The following SLC49A3 variants were observed in gnomAD, a reference collection of about 807,000 sequenced individuals.
The protein encoded by SLC49A3 is solute carrier family 49 member A3.
In SLC49A3, 50 loss-of-function variants were observed where a neutral mutation model predicts 43.8. The observed-to-expected ratio is 1.14, with a 90% confidence interval of 0.91 to 1.45. SLC49A3 has a LOEUF of 1.45. Among genes scored for constraint, SLC49A3 ranks in the 40% most tolerant of loss-of-function variants. The pLI, the probability that SLC49A3 is intolerant of heterozygous loss-of-function variation, is 0.00. For synonymous variants in SLC49A3, 413 were observed against 352.0 expected (o/e 1.17, Z -1.94); for missense variants, 906 against 774.1 (o/e 1.17, Z -2.02).
At position 688,898 on chromosome 4, in the gene SLC49A3, C is replaced by G; in HGVS notation, c.135+95G>C. 2.0e-6 allele frequency: 3 copies of G among 1,464,608 alleles called. No individual in the cohort carries two copies. The South Asian group carries it at 4.0e-5, about 19-fold the overall frequency. The allele number at this position is 1,464,608 out of a possible 1,614,324, so 90.7% of individuals were successfully genotyped here. ...AGGCACCCCCCGCCCCCAGCCAGCA[C>G]CTGGCACCTCGGGCTGTGGCCACAG... On this transcript the variant is annotated intron_variant, in intron 1 of 9. Coordinates refer to ENST00000322224, the MANE Select transcript of SLC49A3 (RefSeq NM_032219.4).
At chr4:681,043 C>T (rs765477700), downstream of SLC49A3, 5 of 1,560,974 alleles carry the variant, frequency 3.2e-6, no homozygotes, top group Non-Finnish European at 4.3e-6. Context: ...ACCGAGAAGG[C>T]TCCTGCACCC....
downstream of SLC49A3, among the ~76,000 whole-genome samples, chr4:677,198 T>C (rs1171913790): frequency 1.3e-5 from 2 of 152,176 alleles, no homozygotes; most frequent in Non-Finnish European, 2.9e-5. Context: ...ACTCAGCCTG[T>C]AGGCCTCCTC....
downstream of SLC49A3, among the ~76,000 whole-genome samples, chr4:679,583 A>G (rs1291364752): frequency 6.6e-6 from 1 of 151,902 alleles, no homozygotes; most frequent in Non-Finnish European, 1.5e-5. Context: ...CTGGGGAGTG[A>G]TTTCTCCTTG....
rs1577351427 is a variant in SLC49A3 at position 683,221 on chromosome 4, G to A, written c.1140C>T (p.Ile380=). 2.5e-6 allele frequency: 4 copies of A among 1,612,802 alleles called. No homozygotes were observed. Among genetic ancestry groups the A allele is most frequent in the Admixed American group, 1.7e-5 (1 of 60,014 alleles). ...PVGEGAATGM[I]FVLGQAEGIL... The stretch of plus-strand genomic sequence containing the variant: ...AGATGGACACTCACCCCAGCACAAA[G>A]ATCATGCCTGTGGCAGCCCCCTCCC... The change falls in exon 8 of 10, where the codon ATC becomes ATT. Residue 380 remains isoleucine, a synonymous_variant. Transcript: ENST00000322224.
Position 685,094 on chromosome 4 carries a change from G to A in SLC49A3, c.586-238C>T. On this transcript the variant is annotated intron_variant, in intron 4 of 9. Coordinates refer to ENST00000322224, the MANE Select transcript of SLC49A3 (RefSeq NM_032219.4). This position sits in a 1 kb window ranked among gnomAD's most constrained non-coding sequence, Gnocchi z 4.3. ...CACCAGTGACACCCTCCTGGCTGATGTTAGCCCAGCACCCCCAGGCTCCAG... is the reference window on the plus strand; with the variant it reads ...CACCAGTGACACCCTCCTGGCTGATATTAGCCCAGCACCCCCAGGCTCCAG... 1 of 563,092 alleles carries A rather than the reference G, an allele frequency of 1.8e-6. No homozygotes were observed. Among genetic ancestry groups the A allele is most frequent in the Non-Finnish European group, 3.1e-6 (1 of 323,934 alleles). 34.9% of individuals were successfully genotyped at this position (563,092 alleles called of 1,614,324 possible).
chr4:681,001 A>C, downstream of SLC49A3: 1 of 1,427,656 alleles, frequency 7.0e-7, no homozygotes. Flanking sequence ...GTGAGCGAGT[A>C]CAACCTGGGG....
rs1364514899 is a variant in SLC49A3, at chr4:681,829, TG to T, written c.*128del. 1.6e-5 allele frequency: 20 copies of T among 1,278,702 alleles called. No homozygotes were observed. In the African/African-American group the frequency reaches 3.1e-4, roughly 20 times the overall value. The allele number at this position is 1,278,702 out of a possible 1,614,324, so 79.2% of individuals were successfully genotyped here. ...GCGCAGAAACCACACCCGGGGCCGC[TG>T]CAGGTGCGCGCTTGTAATTCGCTCC... is the stretch of plus-strand genomic sequence containing the variant. On this transcript the variant is annotated 3_prime_UTR_variant, in exon 10 of 10. Transcript: ENST00000322224.
intron 1 of SLC49A3, among the ~76,000 whole-genome samples, chr4:688,611 G>C (rs539023697): frequency 6.6e-6 from 1 of 152,328 alleles, no homozygotes; most frequent in Admixed American, 6.5e-5. Flanking sequence ...TGGAGGGGAG[G>C]GCGGCTCCAA....
chr4:680,508 G>C, downstream of SLC49A3: 1 of 1,613,474 alleles, frequency 6.2e-7, no homozygotes, highest in Non-Finnish European at 8.5e-7. Flanking sequence ...CTTTGTGGCA[G>C]GTACCGACGC....
chr4:688,581 G>A (rs572041708), intron 1 of SLC49A3, among the ~76,000 whole-genome samples: 1 of 152,286 alleles, frequency 6.6e-6, no homozygotes, highest in African/African-American at 2.4e-5. Flanking sequence ...CCCAGGAGCC[G>A]CCCCTCACTC....
At chr4:679,976 A>C (rs747296577), downstream of SLC49A3, 8 of 1,613,456 alleles carry the variant, frequency 5.0e-6, no homozygotes, top group Middle Eastern at 1.6e-4. Flanking sequence ...GGGGCCCATC[A>C]ACTTCACCAT....
At position 682,271 on chromosome 4, in the gene SLC49A3, G is replaced by T. The variant is rs771390775; in HGVS notation, c.1367C>A (p.Pro456His). ...RRLQAESGEP[P>H]STRNAVGGAD... ...GCCGCCCACGGCGTTACGGGTGGAGGGGGGCTCCCCAGACTCGGCCTGCAG... is the reference window on the plus strand; with the variant it reads ...GCCGCCCACGGCGTTACGGGTGGAGTGGGGCTCCCCAGACTCGGCCTGCAG... The change falls in exon 10 of 10, where the codon CCC (proline) becomes CAC (histidine). Residue 456 changes from proline to histidine, a missense_variant. Pro to His is a moderately conservative substitution (Grantham distance 77). Transcript: ENST00000322224. 1.5e-6 allele frequency: 2 copies of T among 1,374,158 alleles called. No individual in the cohort carries two copies. Among genetic ancestry groups the T allele is most frequent in the Non-Finnish European group, 1.9e-6 (2 of 1,052,946 alleles). 85.1% of individuals were successfully genotyped at this position (1,374,158 alleles called of 1,614,324 possible). A position where few individuals can be genotyped will look rare whatever the true frequency, so the allele number is the denominator to read the frequency against.
chr4:683,002 A>G, intron 8 of SLC49A3, 112 bp from the exon 9 acceptor site: 2 of 1,145,738 alleles, frequency 1.7e-6, no homozygotes, highest in East Asian at 2.6e-5. Flanking sequence ...ACCCTCCTGA[A>G]GGCAGCACGC....
chr4:683,461 C>G (rs1000940746), intron 7 of SLC49A3, 94 bp from the exon 8 acceptor site: 1 of 1,507,668 alleles, frequency 6.6e-7, no homozygotes, highest in African/African-American at 1.4e-5. Flanking sequence ...GGCAGGAGAA[C>G]CCATCCCACC....
downstream of SLC49A3, chr4:681,736 C>T (rs1389846958): frequency 3.0e-6 from 2 of 671,274 alleles, no homozygotes; most frequent in South Asian, 7.7e-5. Context: ...CCCCCTCCAG[C>T]GCCGCCCCGC....
At chr4:687,668 G>T (rs1001299161) in intron 1 of SLC49A3, among the ~76,000 whole-genome samples, 1 of 152,216 alleles carries the variant, frequency 6.6e-6, no homozygotes, top group Non-Finnish European at 1.5e-5. Context: ...GGCAACGTGG[G>T]AGGACGATCT....
chr4:686,477 A>C, intron 2 of SLC49A3, 55 bp downstream of exon 2: 1 of 1,583,616 alleles, frequency 6.3e-7, no homozygotes, highest in Non-Finnish European at 8.6e-7. Context: ...TCCTACCCAA[A>C]TGCGGGGGCC....
chr4:678,614 C>T (rs376493427), downstream of SLC49A3: 110 of 1,568,740 alleles, frequency 7.0e-5, no homozygotes, highest in Admixed American at 1.2e-4. Flanking sequence ...TGGAGGGTTT[C>T]GTCAGCCAGC....
At chr4:681,524 C>T (rs1739537149), downstream of SLC49A3, among the ~76,000 whole-genome samples, 1 of 150,270 alleles carries the variant, frequency 6.7e-6, no homozygotes, top group African/African-American at 2.5e-5. Context: ...TCCCCCAGAC[C>T]CCACACGGTC....
Sources: allele counts gnomAD v4.1 joint callset (sites outside exome capture counted in the v4.1 genomes callset), GRCh38; gene constraint gnomAD v4.1.1; non-coding constraint Gnocchi (gnomAD v3.1); transcripts MANE v1.5; gene names NCBI Gene and HGNC (gene_info 2026-07-23, HGNC 2026-07-21).